The following CDK6 variants were observed in gnomAD, a reference collection of about 807,000 sequenced individuals.
CDK6 encodes cyclin-dependent kinase 6.
Under a neutral mutation model 37.1 loss-of-function variants are expected in CDK6, and 6 were observed. That is an observed-to-expected ratio of 0.16 (90% CI 0.09 to 0.32). The LOEUF (loss-of-function observed/expected upper bound fraction) is 0.32, where lower values mean the gene tolerates loss of function less well. Ranked by LOEUF, CDK6 falls within the 10% of genes least tolerant of loss-of-function variation. The probability of loss-of-function intolerance (pLI) is 1.00; values close to 1 mark genes in which losing one functional copy is unlikely to be tolerated. For synonymous variants in CDK6, 160 were observed against 161.3 expected (o/e 0.99, Z 0.06); for missense variants, 224 against 418.9 (o/e 0.53, Z 4.06).
intron 5 of CDK6, among the ~76,000 whole-genome samples, chr7:92,644,065 G>A (rs752697704): frequency 4.6e-5 from 7 of 152,200 alleles, no homozygotes; most frequent in Non-Finnish European, 1.0e-4. Flanking sequence ...AGAGAACTGG[G>A]TCCAATTTTC....
intron 3 of CDK6, among the ~76,000 whole-genome samples, chr7:92,740,766 G>A (rs2115629797): frequency 6.6e-6 from 1 of 152,240 alleles, no homozygotes; most frequent in Admixed American, 6.5e-5. Flanking sequence ...GTCTCATGGA[G>A]CGAACAGTGA....
At chr7:92,673,524 CCCAA>C (rs1797135653) in intron 4 of CDK6, among the ~76,000 whole-genome samples, 1 of 152,018 alleles carries the variant, frequency 6.6e-6, no homozygotes, top group African/African-American at 2.4e-5. Flanking sequence ...ACCATTTGGC[CCCAA>C]CATATCTTTC....
intron 4 of CDK6, among the ~76,000 whole-genome samples, chr7:92,688,555 CTT>C (rs1416592603): frequency 5.4e-5 from 8 of 149,040 alleles, no homozygotes; most frequent in Admixed American, 6.8e-5. Flanking sequence ...TTGTCCTCCT[CTT>C]GAGGTGTATA....
chr7:92,713,007 C>T (rs1015166876), intron 4 of CDK6, among the ~76,000 whole-genome samples: 5 of 152,082 alleles, frequency 3.3e-5, no homozygotes, highest in African/African-American at 1.2e-4. Context: ...TACAGGAATG[C>T]GCCACCACAC....
At chr7:92,807,335 A>G (rs1800752213) in intron 2 of CDK6, among the ~76,000 whole-genome samples, 1 of 152,048 alleles carries the variant, frequency 6.6e-6, no homozygotes, top group Non-Finnish European at 1.5e-5. Flanking sequence ...CTAGATAGAG[A>G]GATGTATATA....
chr7:92,769,701 A>G (rs1294313491), intron 3 of CDK6, among the ~76,000 whole-genome samples: 2 of 152,236 alleles, frequency 1.3e-5, no homozygotes, highest in Admixed American at 6.5e-5. Context: ...AATATTTTAC[A>G]TAAGAGTCTC....
rs922349461 is a variant in CDK6, at chr7:92,833,388, C to A, written c.-65G>T. On this transcript the variant is annotated 5_prime_UTR_variant, in exon 2 of 8. Transcript: ENST00000424848. This position sits in a 1 kb window ranked among gnomAD's most constrained non-coding sequence, Gnocchi z 6.1. ...GCGGGGGGTGCGCTCAACTAGCTGG[C>A]GGCCGCCGCTCGCCTACTCCGGGGC... 12 of 1,170,218 alleles carry A rather than the reference C, an allele frequency of 1.0e-5. No individual in the cohort carries two copies. The highest frequency in any genetic ancestry group is 1.4e-5 in the Non-Finnish European group (12 of 846,926). 72.5% of individuals were successfully genotyped at this position (1,170,218 alleles called of 1,614,324 possible).
rs2116603104 is a variant in CDK6, at chr7:92,671,497, G to A, written c.576C>T (p.Leu192=). The A allele has an allele frequency of 1.3e-6, 2 of 1,582,874 alleles. No individual in the cohort carries two copies. The highest frequency in any genetic ancestry group is 1.7e-6 in the Non-Finnish European group (2 of 1,164,476). Residue 192 remains leucine, a synonymous_variant, in exon 5 of 8, where the codon CTC becomes CTT. Transcript: ENST00000424848. ...CCACGGGGGTGGCGTAGCTGGACTG[G>A]AGCAAGACTTCGGGTGCTCTGTACC... ...TLWYRAPEVL[L]QSSYATPVDL...
At chr7:92,828,714 T>C (rs933554570) in intron 2 of CDK6, among the ~76,000 whole-genome samples, 3 of 152,312 alleles carry the variant, frequency 2.0e-5, no homozygotes, top group African/African-American at 7.2e-5. Context: ...ATAGACCTTT[T>C]TTGTCCTTGA....
At chr7:92,832,556 G>A (rs1801517144) in intron 2 of CDK6, among the ~76,000 whole-genome samples, 1 of 152,226 alleles carries the variant, frequency 6.6e-6, no homozygotes, top group Non-Finnish European at 1.5e-5. Context: ...TTAATAAAGA[G>A]AAACTGAGAG....
chr7:92,816,612 C>G (rs1801036609), intron 2 of CDK6, among the ~76,000 whole-genome samples: 1 of 151,946 alleles, frequency 6.6e-6, no homozygotes. Context: ...ACAACATATT[C>G]AAATTTGTGG....
Position 92,833,350 on chromosome 7 carries a change from G to GT in CDK6, c.-28_-27insA. The stretch of plus-strand genomic sequence containing the variant: ...CCGCCTGGACGCCGCCCGCCGCGGC[G>GT]CCGCTGGGGCGGGCGGGGGGTGCGC... On this transcript the variant is annotated 5_prime_UTR_variant, in exon 2 of 8. Coordinates refer to ENST00000424848, the MANE Select transcript of CDK6 (RefSeq NM_001145306.2). The surrounding 1 kb of genome is among the most constrained non-coding windows in gnomAD (Gnocchi z 6.1). The GT allele has an allele frequency of 6.6e-7, 1 of 1,515,982 alleles. No homozygotes were observed. The highest frequency in any genetic ancestry group is 8.9e-7 in the Non-Finnish European group (1 of 1,125,470). The allele number at this position is 1,515,982 out of a possible 1,614,324, so 93.9% of individuals were successfully genotyped here. A position where few individuals can be genotyped will look rare whatever the true frequency, so the allele number is the denominator to read the frequency against.
At chr7:92,682,315 C>T (rs1396688255) in intron 4 of CDK6, among the ~76,000 whole-genome samples, 1 of 152,180 alleles carries the variant, frequency 6.6e-6, no homozygotes. Context: ...GTCTGTTCCC[C>T]CTTCAGATGA....
chr7:92,637,151 A>G (rs1796192242), intron 5 of CDK6, among the ~76,000 whole-genome samples: 1 of 152,182 alleles, frequency 6.6e-6, no homozygotes, highest in Non-Finnish European at 1.5e-5. Flanking sequence ...TGTACTTAAG[A>G]CTATGTGGCC....
At chr7:92,647,916 A>G (rs1427984265) in intron 5 of CDK6, among the ~76,000 whole-genome samples, 2 of 152,216 alleles carry the variant, frequency 1.3e-5, no homozygotes, top group Non-Finnish European at 2.9e-5. Flanking sequence ...GTGCTGGATT[A>G]GATTTTCAAG....
intron 3 of CDK6, among the ~76,000 whole-genome samples, chr7:92,728,563 A>G (rs967879432): frequency 2.6e-5 from 4 of 152,100 alleles, no homozygotes; most frequent in African/African-American, 9.7e-5. Context: ...TTACTTTGGC[A>G]CTTATACTAC....
rs531814999 is a variant in CDK6 at position 92,702,682 on chromosome 7, C to T, written c.537+22944G>A. On this transcript the variant is annotated intron_variant, in intron 4 of 7. Transcript: ENST00000424848. ...TCAGTATGTTTCAAACCTTGTTTCTCCTCCACTACCCACAGACTTTGGTGC... is the reference window on the plus strand; with the variant it reads ...TCAGTATGTTTCAAACCTTGTTTCTTCTCCACTACCCACAGACTTTGGTGC... 2.0e-5 allele frequency among the ~76,000 whole-genome samples: 3 copies of T among 152,262 alleles called. No individual in the cohort carries two copies. In the East Asian group the frequency reaches 5.8e-4, roughly 29 times the overall value.
At position 92,735,701 on chromosome 7, in the gene CDK6, T is replaced by A. The variant is rs368438744; in HGVS notation, c.370-9908A>T. Among the ~76,000 whole-genome samples the A allele has an allele frequency of 1.9e-3, 289 of 152,354 alleles. 1 individual carries two copies. The highest frequency in any genetic ancestry group is 6.6e-3 in the African/African-American group (274 of 41,578). ...ATACATAGAAATCTTTTGGTTTTACTTGATTGGATGAATCACCCAATAGTC... is the reference window on the plus strand; with the variant it reads ...ATACATAGAAATCTTTTGGTTTTACATGATTGGATGAATCACCCAATAGTC... On this transcript the variant is annotated intron_variant, in intron 3 of 7. Transcript: ENST00000424848.
In CDK6 at chr7:92,677,462, A is replaced by T. The variant is rs1458307584; in HGVS notation, c.538-5927T>A. 2.0e-5 allele frequency among the ~76,000 whole-genome samples: 3 copies of T among 151,266 alleles called. No individual in the cohort carries two copies. In the East Asian group the frequency reaches 5.8e-4, roughly 29 times the overall value. On this transcript the variant is annotated intron_variant, in intron 4 of 7. Coordinates refer to ENST00000424848, the MANE Select transcript of CDK6 (RefSeq NM_001145306.2). Reference sequence around the variant, plus strand: ...GCGAAACCCTGTCTCTACTAAAAATAAAAAAAATTAGCCAGGTGTGGTGGC... The same window carrying T: ...GCGAAACCCTGTCTCTACTAAAAATTAAAAAAATTAGCCAGGTGTGGTGGC...
Sources: allele counts gnomAD v4.1 joint callset (sites outside exome capture counted in the v4.1 genomes callset), GRCh38; gene constraint gnomAD v4.1.1; non-coding constraint Gnocchi (gnomAD v3.1); transcripts MANE v1.5; gene names NCBI Gene and HGNC (gene_info 2026-07-23, HGNC 2026-07-21).